CALN1: variants seen among roughly 807,000 people sequenced by gnomAD.
The protein encoded by CALN1 is calneuron 1.
Under a neutral mutation model 30.6 loss-of-function variants are expected in CALN1, and 17 were observed. The observed-to-expected ratio is 0.56, with a 90% CI of 0.38 to 0.83. CALN1 has a LOEUF of 0.83. Among genes scored for constraint, CALN1 ranks in the 40% least tolerant of loss-of-function variants. The probability of loss-of-function intolerance (pLI) is 0.00; values close to 1 mark genes in which losing one functional copy is unlikely to be tolerated. For missense variants in CALN1, 291 were observed against 354.9 expected (o/e 0.82, Z 1.45); for synonymous variants, 156 against 131.4 (o/e 1.19, Z -1.28).
At chr7:72,462,182 T>G in the CALN1 span, among the ~76,000 whole-genome samples, 11,152 of 148,444 alleles carry the variant, frequency 0.075, 575 homozygotes, top group African/African-American at 0.14. Flanking sequence ...ATGTATGTAT[T>G]TATTTATTTA....
the CALN1 span, among the ~76,000 whole-genome samples, chr7:72,501,397 A>AG: frequency 4.2e-4 from 50 of 118,630 alleles, no homozygotes; most frequent in Non-Finnish European, 7.4e-4. Flanking sequence ...AAAAAAAAAA[A>AG]GACAAAGAAA....
chr7:72,366,362 G>C (rs561023521), intron 2 of CALN1, among the ~76,000 whole-genome samples: 3 of 152,104 alleles, frequency 2.0e-5, no homozygotes, highest in Admixed American at 6.6e-5. Flanking sequence ...TTTTAGTAGA[G>C]ATGGGGTTTC....
At chr7:71,843,108 A>G (rs577769187) in intron 5 of CALN1, among the ~76,000 whole-genome samples, 1 of 152,274 alleles carries the variant, frequency 6.6e-6, no homozygotes, top group East Asian at 1.9e-4. Context: ...TAGGTGAAAC[A>G]TATAATTGAT....
In CALN1 at chr7:71,861,903, G is replaced by A. The variant is rs73183297; in HGVS notation, c.502-51411C>T. 9.3e-3 allele frequency among the ~76,000 whole-genome samples: 1,410 copies of A among 151,668 alleles called. 14 individuals carry two copies. The highest frequency in any genetic ancestry group is 0.016 in the Non-Finnish European group (1,082 of 67,952). On this transcript the variant is annotated intron_variant, in intron 5 of 6. Transcript: ENST00000395275. ...TTCCAGGTCCTTTTCAGTTTCCTTA[G>A]AGAATTCCAGGGCTGCCTGTCTACT...
intron 3 of CALN1, among the ~76,000 whole-genome samples, chr7:72,173,949 A>C (rs959192178): frequency 5.3e-5 from 8 of 152,290 alleles, no homozygotes; most frequent in African/African-American, 1.9e-4. Flanking sequence ...TTTTATAAAA[A>C]ATAAAAATGT....
chr7:72,098,171 G>C (rs912240248), intron 4 of CALN1, among the ~76,000 whole-genome samples: 3 of 152,174 alleles, frequency 2.0e-5, no homozygotes, highest in African/African-American at 7.2e-5. Flanking sequence ...TCCAGAATCA[G>C]GGCTGATGGA....
At chr7:72,451,464 C>T (rs575892555), upstream of CALN1, among the ~76,000 whole-genome samples, 15 of 152,094 alleles carry the variant, frequency 9.9e-5, no homozygotes, top group African/African-American at 3.6e-4. Context: ...AGAGAAGCTG[C>T]AGCTGGTAAC....
chr7:71,999,453 T>C lies in CALN1; in HGVS notation c.501+24204A>G, dbSNP rs558851408. On this transcript the variant is annotated intron_variant, in intron 5 of 6. Coordinates refer to ENST00000395275, the MANE Select transcript of CALN1 (RefSeq NM_031468.4). ...ATCAGTATGTATACAGAGAACTACA[T>C]AGCAGAATCAACCAGCAGGATCTAG... Among the ~76,000 whole-genome samples the C allele has an allele frequency of 6.6e-5, 10 of 151,840 alleles. No homozygotes were observed. In the East Asian group the frequency reaches 1.4e-3, roughly 21 times the overall value.
At chr7:71,866,867 G>A (rs1160501588) in intron 5 of CALN1, among the ~76,000 whole-genome samples, 2 of 152,182 alleles carry the variant, frequency 1.3e-5, no homozygotes, top group Non-Finnish European at 2.9e-5. Context: ...AGGGCAGGCC[G>A]AGTGTGGTGG....
intron 2 of CALN1, among the ~76,000 whole-genome samples, chr7:72,394,468 G>A (rs1805782657): frequency 6.6e-6 from 1 of 152,152 alleles, no homozygotes; most frequent in Non-Finnish European, 1.5e-5. Context: ...AACAGAGCAT[G>A]ACCTGAACAG....
At chr7:72,153,893 T>C (rs1259043032) in intron 3 of CALN1, among the ~76,000 whole-genome samples, 1 of 152,114 alleles carries the variant, frequency 6.6e-6, no homozygotes, top group Admixed American at 6.6e-5. Context: ...GTTAGAATGA[T>C]TTTTAAATGT....
intron 3 of CALN1, among the ~76,000 whole-genome samples, chr7:72,132,101 T>C (rs1178034694): frequency 6.6e-6 from 1 of 152,178 alleles, no homozygotes; most frequent in Non-Finnish European, 1.5e-5. Flanking sequence ...AACATATTGA[T>C]CAATATCGCT....
chr7:72,385,077 G>C (rs575043699), intron 2 of CALN1, among the ~76,000 whole-genome samples: 6 of 152,296 alleles, frequency 3.9e-5, no homozygotes, highest in East Asian at 3.9e-4. Context: ...GCTCGTCATA[G>C]AGAATTGAAA....
chr7:72,325,620 C>T (rs1437187142), intron 2 of CALN1, among the ~76,000 whole-genome samples: 1 of 152,068 alleles, frequency 6.6e-6, no homozygotes, highest in African/African-American at 2.4e-5. Flanking sequence ...ATAAATAAAA[C>T]AAGAGTGAAA....
Position 72,282,636 on chromosome 7 carries a change from T to C in CALN1, c.120-3826A>G, listed in dbSNP as rs911273029. Among the ~76,000 whole-genome samples, 5 of 152,354 alleles carry C rather than the reference T, an allele frequency of 3.3e-5. No individual in the cohort carries two copies. In the South Asian group the frequency reaches 1.0e-3, roughly 32 times the overall value. ...AGCAGCTCTCACCAGACACAAAATCTATAGGTGTCTCGATCTTGGACTTCC... is the reference window on the plus strand; with the variant it reads ...AGCAGCTCTCACCAGACACAAAATCCATAGGTGTCTCGATCTTGGACTTCC... On this transcript the variant is annotated intron_variant, in intron 2 of 6. Transcript: ENST00000395275.
intron 2 of CALN1, among the ~76,000 whole-genome samples, chr7:72,365,232 G>C (rs896873435): frequency 6.6e-6 from 1 of 152,078 alleles, no homozygotes; most frequent in East Asian, 1.9e-4. Flanking sequence ...CTGAACCCAG[G>C]AGGGTTCAGC....
chr7:71,987,263 A>T (rs1798722937), intron 5 of CALN1, among the ~76,000 whole-genome samples: 1 of 152,206 alleles, frequency 6.6e-6, no homozygotes, highest in Non-Finnish European at 1.5e-5. Flanking sequence ...TTGTGCTTTG[A>T]TTATGTCACG....
chr7:72,208,275 A>G (rs571223533), intron 3 of CALN1, among the ~76,000 whole-genome samples: 3 of 152,346 alleles, frequency 2.0e-5, no homozygotes, highest in East Asian at 1.9e-4. Context: ...CTTACAAGAG[A>G]AAAGTTATTT....
chr7:72,026,742 A>G (rs844779), intron 4 of CALN1, among the ~76,000 whole-genome samples: 8,264 of 152,180 alleles, frequency 0.054, 761 homozygotes, highest in African/African-American at 0.19. Context: ...TAGAGAAAAA[A>G]TAAAACAACA....
Sources: gnomAD v4.1 joint callset for allele counts (sites outside exome capture counted in the v4.1 genomes callset) on GRCh38, gnomAD v4.1.1 for gene constraint, MANE v1.5 for transcripts, NCBI Gene and HGNC (gene_info 2026-07-23, HGNC 2026-07-21) for gene names.